TIMM21: variants seen among roughly 807,000 people sequenced by gnomAD.
TIMM21 encodes translocase of inner mitochondrial membrane 21, also known as mitochondrial import inner membrane translocase subunit Tim21.
In TIMM21, 30 loss-of-function variants were observed where a neutral mutation model predicts 27.7. That is an observed-to-expected ratio of 1.08 (90% CI 0.81 to 1.47). The LOEUF is 1.47. Among genes scored for constraint, TIMM21 ranks in the 40% most tolerant of loss-of-function variants. The pLI is 0.00. For missense variants in TIMM21, 292 were observed against 302.9 expected, an observed-to-expected ratio of 0.96 and a Z score of 0.27; for synonymous variants, 121 against 114.4, an observed-to-expected ratio of 1.06 and a Z score of -0.37.
intron 1 of TIMM21, among the ~76,000 whole-genome samples, chr18:74,150,808 G>A (rs898430519): frequency 2.0e-5 from 3 of 152,162 alleles, no homozygotes; most frequent in Non-Finnish European, 2.9e-5. Flanking sequence ...GATGGGGATC[G>A]CCATGCCTGT....
intron 2 of TIMM21, 28 bp from the exon 3 acceptor site, chr18:74,155,278 G>A (rs773574473): frequency 8.7e-6 from 14 of 1,611,792 alleles, no homozygotes; most frequent in African/African-American, 1.3e-5. Flanking sequence ...CCCTTGCTTC[G>A]CTTCATCTTT....
chr18:74,157,075 G>T (rs1177584243), intron 3 of TIMM21: 1 of 152,112 alleles, frequency 6.6e-6, no homozygotes, highest in African/African-American at 2.4e-5. Context: ...AGAGTTGAGG[G>T]TCAAACTTTT....
chr18:74,156,600 A>T, intron 3 of TIMM21: 1 of 266,660 alleles, frequency 3.8e-6, no homozygotes, highest in East Asian at 6.6e-5. Context: ...GACAAGAAAC[A>T]TTCTTTACAG....
chr18:74,158,819 T>G lies in TIMM21; in HGVS notation c.*339T>G. 1 of 218,328 alleles carries G rather than the reference T, an allele frequency of 4.6e-6. No homozygotes were observed. Among genetic ancestry groups the G allele is most frequent in the Non-Finnish European group, 9.1e-6 (1 of 110,134 alleles). 13.5% of individuals were successfully genotyped at this position (218,328 alleles called of 1,614,324 possible). A position where few individuals can be genotyped will look rare whatever the true frequency, so the allele number is the denominator to read the frequency against. On this transcript the variant is annotated 3_prime_UTR_variant, in exon 6 of 6. Transcript: ENST00000169551. ...ATTCATTTTATATTATAGAACTGCA[T>G]AATGTCTGCAGAATAAAATTAAAAC...
intron 1 of TIMM21, among the ~76,000 whole-genome samples, chr18:74,151,147 G>A (rs1270320048): frequency 6.6e-6 from 1 of 152,198 alleles, no homozygotes; most frequent in Non-Finnish European, 1.5e-5. Flanking sequence ...TGTCAGCACA[G>A]ACTATGTCCA....
intron 3 of TIMM21, 103 bp downstream of exon 3, chr18:74,155,506 A>AC: frequency 1.1e-6 from 1 of 899,744 alleles, no homozygotes; most frequent in Non-Finnish European, 1.7e-6. Flanking sequence ...CGCTAGTGAA[A>AC]TTCACATAAT....
chr18:74,158,192 T>C lies in TIMM21; in HGVS notation c.558T>C (p.Asp186=). 2 of 1,614,156 alleles carry C rather than the reference T, an allele frequency of 1.2e-6. No individual in the cohort carries two copies. The highest frequency in any genetic ancestry group is 2.2e-5 in the East Asian group (1 of 44,878). ...ACAGGTTCACTGAATATGTAAAAGA[T>C]GGGCTGAAACACACGTGTGTGAAAT... is the stretch of plus-strand genomic sequence containing the variant. ...QHVRFTEYVK[D]GLKHTCVKFY... The change falls in exon 5 of 6, where the codon GAT becomes GAC. Residue 186 remains aspartate, a synonymous_variant. Transcript: ENST00000169551.
chr18:74,160,116 C>G lies in TIMM21; in HGVS notation c.*1636C>G, dbSNP rs535941878. 2.0e-5 allele frequency: 3 copies of G among 151,498 alleles called. No homozygotes were observed. Among genetic ancestry groups the G allele is most frequent in the Non-Finnish European group, 2.9e-5 (2 of 67,888 alleles). The allele number at this position is 151,498 out of a possible 1,614,324, so 9.4% of individuals were successfully genotyped here. A position where few individuals can be genotyped will look rare whatever the true frequency, so the allele number is the denominator to read the frequency against. On this transcript the variant is annotated 3_prime_UTR_variant, in exon 6 of 6. Transcript: ENST00000169551. ...GGTCAATCACTGGAGGTCAGGAGTT[C>G]AAGACCAGCCTGGCCAACATGGTGA...
rs1979826958 is a variant in TIMM21, at chr18:74,152,116, A to C, written c.301+3007A>C. Among the ~76,000 whole-genome samples, 1 of 152,138 alleles carries C rather than the reference A, an allele frequency of 6.6e-6. No individual in the cohort carries two copies. The highest frequency in any genetic ancestry group is 6.5e-5 in the Admixed American group (1 of 15,274). ...CTCGCCCAGTTTCCAAGGTGGAGGA[A>C]GTGCCAACCTTTACCAGACACTGAG... is the stretch of plus-strand genomic sequence containing the variant. On this transcript the variant is annotated intron_variant, in intron 1 of 5. Transcript: ENST00000169551. This position sits in a 1 kb window ranked among gnomAD's most constrained non-coding sequence, Gnocchi z 4.1.
chr18:74,155,136 T>C lies in TIMM21; in HGVS notation c.302-9T>C. Reference sequence around the variant, plus strand: ...GCACCCGTAACCCATTGGTGTTTTCTCTTCACAGTGAAAGAAGCCGGAAGA... The same window carrying C: ...GCACCCGTAACCCATTGGTGTTTTCCCTTCACAGTGAAAGAAGCCGGAAGA... On this transcript the variant is annotated splice_polypyrimidine_tract_variant and intron_variant, in intron 1 of 5. Coordinates refer to ENST00000169551, the MANE Select transcript of TIMM21 (RefSeq NM_014177.3). 1 of 1,614,158 alleles carries C rather than the reference T, an allele frequency of 6.2e-7. No homozygotes were observed. The highest frequency in any genetic ancestry group is 8.5e-7 in the Non-Finnish European group (1 of 1,179,952).
At position 74,158,366 on chromosome 18, in the gene TIMM21, T is replaced by C; in HGVS notation, c.643-10T>C. 1 of 1,605,604 alleles carries C rather than the reference T, an allele frequency of 6.2e-7. No individual in the cohort carries two copies. The highest frequency in any genetic ancestry group is 8.5e-7 in the Non-Finnish European group (1 of 1,174,468). On this transcript the variant is annotated splice_polypyrimidine_tract_variant and intron_variant, in intron 5 of 5. Transcript: ENST00000169551. ...GAAAATAATACCTGGAAACACTACA[T>C]TTTTTTCAGAACCCAGGAAGTGGTG...
rs1448591476 is a variant in TIMM21 at position 74,158,927 on chromosome 18, T to C, written c.*447T>C. The C allele has an allele frequency of 1.7e-5, 3 of 174,714 alleles. No individual in the cohort carries two copies. The highest frequency in any genetic ancestry group is 1.2e-5 in the Non-Finnish European group (1 of 83,530). The allele number at this position is 174,714 out of a possible 1,614,324, so 10.8% of individuals were successfully genotyped here. On this transcript the variant is annotated 3_prime_UTR_variant, in exon 6 of 6. Transcript: ENST00000169551. ...AGCATGTGAAAATGGTTGAGGGCCA[T>C]AGGGAACCAGATGGTAAATACATTC...
In TIMM21 at chr18:74,155,333, A is replaced by G; in HGVS notation, c.392A>G (p.Glu131Gly). Residue 131 changes from glutamate (E) to glycine (G), a missense_variant, in exon 3 of 6, where the codon GAA becomes GGA. Coordinates refer to ENST00000169551, the MANE Select transcript of TIMM21 (RefSeq NM_014177.3). ...GGCTTGTTTTACACGATTTTCAAAG[A>G]ACTTTTTTCTTCATCCAGTCCTAGC... is the stretch of plus-strand genomic sequence containing the variant. ...TGGLFYTIFKELFSSSSPSKI... is the reference protein window; with the variant it reads ...TGGLFYTIFKGLFSSSSPSKI... The G allele has an allele frequency of 1.9e-6, 3 of 1,613,516 alleles. No homozygotes were observed. Among genetic ancestry groups the G allele is most frequent in the Non-Finnish European group, 2.5e-6 (3 of 1,179,856 alleles).
intron 1 of TIMM21, 141 bp downstream of exon 1, chr18:74,149,250 T>C: frequency 2.3e-6 from 2 of 885,492 alleles, no homozygotes; most frequent in South Asian, 1.9e-5. Flanking sequence ...AATTTAGAAC[T>C]AGAACATATA....
intron 1 of TIMM21, among the ~76,000 whole-genome samples, chr18:74,151,948 C>CG (rs746885874): frequency 6.8e-6 from 1 of 147,186 alleles, no homozygotes; most frequent in African/African-American, 2.6e-5. Context: ...CCCCCCCCCC[C>CG]CGGGGGGACC....
Position 74,149,066 on chromosome 18 carries a change from C to T in TIMM21, c.258C>T (p.His86=). ...ATGGCAGCAAACAAGTGTCTGTGCA[C>T]AGGAGTCAGAGAGGGGGAACCGCCG... ...KEDGSKQVSV[H]RSQRGGTAVP... Residue 86 remains histidine, a synonymous_variant, in exon 1 of 6, where the codon CAC becomes CAT. Coordinates refer to ENST00000169551, the MANE Select transcript of TIMM21 (RefSeq NM_014177.3). The T allele has an allele frequency of 6.2e-7, 1 of 1,613,504 alleles. No homozygotes were observed. Among genetic ancestry groups the T allele is most frequent in the African/African-American group, 1.3e-5 (1 of 75,014 alleles).
At position 74,155,212 on chromosome 18, in the gene TIMM21, C is replaced by T; in HGVS notation, c.364+5C>T. 1 of 1,613,700 alleles carries T rather than the reference C, an allele frequency of 6.2e-7. No homozygotes were observed. Among genetic ancestry groups the T allele is most frequent in the Non-Finnish European group, 8.5e-7 (1 of 1,179,856 alleles). On this transcript the variant is annotated splice_donor_5th_base_variant and intron_variant, in intron 2 of 5. Transcript: ENST00000169551. ...TTTTTGGAATCAGCATTACAGGTTG[C>T]AAAAAACAGCAAGTATAAGCCCTTG...
chr18:74,155,382 A>T lies in TIMM21; in HGVS notation c.441A>T (p.Glu147Asp). The T allele has an allele frequency of 6.2e-7, 1 of 1,612,206 alleles. No individual in the cohort carries two copies. Among genetic ancestry groups the T allele is most frequent in the Non-Finnish European group, 8.5e-7 (1 of 1,179,616 alleles). The stretch of plus-strand genomic sequence containing the variant: ...GCAAGATATATGGGAGAGCCTTAGA[A>T]AAATGCAGATCACATCCTGAGGTTA... ...SPSKIYGRAL[E>D]KCRSHPEVIG... Residue 147 changes from glutamate (E) to aspartate (D), a missense_variant, in exon 3 of 6, where the codon GAA becomes GAT. Transcript: ENST00000169551.
chr18:74,158,629 T>A lies in TIMM21; in HGVS notation c.*149T>A. 1.7e-6 allele frequency: 1 copy of A among 600,176 alleles called. No individual in the cohort carries two copies. The highest frequency in any genetic ancestry group is 3.1e-5 in the East Asian group (1 of 32,570). 37.2% of individuals were successfully genotyped at this position (600,176 alleles called of 1,614,324 possible). A position where few individuals can be genotyped will look rare whatever the true frequency, so the allele number is the denominator to read the frequency against. On this transcript the variant is annotated 3_prime_UTR_variant, in exon 6 of 6. Coordinates refer to ENST00000169551, the MANE Select transcript of TIMM21 (RefSeq NM_014177.3). ...CAGTATTTGTTGCATTTAAACAAACTAGACATTTTCTTACGGAAAAATTAT... is the reference window on the plus strand; with the variant it reads ...CAGTATTTGTTGCATTTAAACAAACAAGACATTTTCTTACGGAAAAATTAT...
Sources: gnomAD v4.1 joint callset for allele counts (sites outside exome capture counted in the v4.1 genomes callset) on GRCh38, gnomAD v4.1.1 for gene constraint, Gnocchi (gnomAD v3.1) non-coding constraint, MANE v1.5 for transcripts, NCBI Gene and HGNC (gene_info 2026-07-23, HGNC 2026-07-21) for gene names.